Variants in BPI observed in about 807,000 individuals in gnomAD.
BPI encodes bactericidal permeability increasing protein.
In BPI, 48 loss-of-function variants were observed where a neutral mutation model predicts 57.6. The observed-to-expected ratio is 0.83, with a 90% CI of 0.66 to 1.06. The LOEUF is 1.06. Among genes scored for constraint, BPI ranks in the 50% least tolerant of loss-of-function variants. The pLI is 0.00. For synonymous variants in BPI, 237 were observed against 238.2 expected, an observed-to-expected ratio of 0.99 and a Z score of 0.05; for missense variants, 651 against 609.7, an observed-to-expected ratio of 1.07 and a Z score of -0.71.
intron 5 of BPI, among the ~76,000 whole-genome samples, chr20:38,314,632 TGG>T (rs2076642297): frequency 1.4e-5 from 2 of 142,834 alleles, no homozygotes; most frequent in African/African-American, 2.7e-5. Flanking sequence ...GGGATGATGA[TGG>T]TGGTGATGGT....
chr20:38,314,858 A>T lies in BPI; in HGVS notation c.600+2921A>T, dbSNP rs1447493640. Among the ~76,000 whole-genome samples, 4 of 150,112 alleles carry T rather than the reference A, an allele frequency of 2.7e-5. 1 individual carries two copies. Among genetic ancestry groups the T allele is most frequent in the African/African-American group, 4.9e-5 (2 of 40,608 alleles). On this transcript the variant is annotated intron_variant, in intron 5 of 14. Coordinates refer to ENST00000642449, the MANE Select transcript of BPI (RefSeq NM_001725.3). ...GGTGATGGTAATGGTGGAGATGATG[A>T]TGATGATGATGGTGATGGTGATGGT...
rs1198490806 is a variant in BPI at position 38,307,577 on chromosome 20, G to A, written c.141G>A (p.Gln47=). The change falls in exon 2 of 15, where the codon CAG becomes CAA. Residue 47 remains glutamine, a synonymous_variant. Coordinates refer to ENST00000642449, the MANE Select transcript of BPI (RefSeq NM_001725.3). ...GCCTTCTCCCTTCAGCCAGCCAGCA[G>A]GGGACGGCCGCTCTGCAGAAGGAGC... ...SQKGLDYASQ[Q]GTAALQKELK... 2 of 1,604,364 alleles carry A rather than the reference G, an allele frequency of 1.2e-6. No homozygotes were observed. The highest frequency in any genetic ancestry group is 1.7e-6 in the Non-Finnish European group (2 of 1,176,244).
intron 7 of BPI, among the ~76,000 whole-genome samples, chr20:38,322,081 T>C (rs1415119541): frequency 6.6e-6 from 1 of 152,250 alleles, no homozygotes; most frequent in Non-Finnish European, 1.5e-5. Context: ...TTGCCATCCA[T>C]GAAATGTCCT....
chr20:38,309,454 C>T (rs1417330633), intron 3 of BPI, among the ~76,000 whole-genome samples: 1 of 152,162 alleles, frequency 6.6e-6, no homozygotes, highest in Admixed American at 6.5e-5. Context: ...TTGGGCTTAG[C>T]AGAGGAGGCT....
intron 6 of BPI, among the ~76,000 whole-genome samples, chr20:38,318,742 T>C (rs2076666116): frequency 6.6e-6 from 1 of 152,182 alleles, no homozygotes; most frequent in Non-Finnish European, 1.5e-5. Context: ...CCCAGCTCTC[T>C]GAGGCCAGAG....
At chr20:38,322,132 G>A (rs1192693716) in intron 7 of BPI, among the ~76,000 whole-genome samples, 1 of 152,172 alleles carries the variant, frequency 6.6e-6, no homozygotes, top group African/African-American at 2.4e-5. Flanking sequence ...TCAGCGGACA[G>A]CTTGTGGTAA....
At chr20:38,316,789 C>T (rs1460668543) in intron 5 of BPI, among the ~76,000 whole-genome samples, 1 of 152,124 alleles carries the variant, frequency 6.6e-6, no homozygotes, top group Non-Finnish European at 1.5e-5. Context: ...TCTTAGGGTC[C>T]TAACTGCTTG....
intron 11 of BPI, among the ~76,000 whole-genome samples, chr20:38,329,490 A>G (rs747482807): frequency 3.0e-4 from 45 of 152,184 alleles, no homozygotes; most frequent in Non-Finnish European, 4.6e-4. Context: ...TTAAACACCC[A>G]TGGGCCTCTA....
chr20:38,317,830 G>A, intron 5 of BPI: 1 of 1,507,886 alleles, frequency 6.6e-7, no homozygotes, highest in Non-Finnish European at 8.9e-7. Context: ...TGTGGCCCAA[G>A]TCAGATTTTC....
chr20:38,324,455 T>G (rs766331528), intron 8 of BPI, among the ~76,000 whole-genome samples: 4 of 152,212 alleles, frequency 2.6e-5, no homozygotes, highest in African/African-American at 9.6e-5. Flanking sequence ...CCTAGCACCA[T>G]GCTAAGGCAG....
Position 38,326,365 on chromosome 20 carries a change from C to A in BPI, c.1094C>A (p.Ala365Asp). ...VQPTGLTFYP[A>D]VDVQAFAVLP... ...CCCACCGGCCTTACCTTCTACCCTG[C>A]CGTGGATGTCCAGGCCTTTGCCGTC... The change falls in exon 10 of 15, where the codon GCC (alanine) becomes GAC (aspartate). Residue 365 changes from alanine to aspartate, a missense_variant. Physicochemically the swap from Ala to Asp is moderately radical, Grantham distance 126 (BLOSUM62 -2). Transcript: ENST00000642449. The A allele has an allele frequency of 6.2e-7, 1 of 1,614,182 alleles. No individual in the cohort carries two copies. Among genetic ancestry groups the A allele is most frequent in the Non-Finnish European group, 8.5e-7 (1 of 1,180,022 alleles).
intron 6 of BPI, 106 bp downstream of exon 6, chr20:38,318,582 G>T (rs2076665096): frequency 8.0e-7 from 1 of 1,254,312 alleles, no homozygotes; most frequent in Non-Finnish European, 1.2e-6. Context: ...ACAGCCCTGG[G>T]CCTGGGTGGG....
At chr20:38,316,669 G>A (rs927598614) in intron 5 of BPI, among the ~76,000 whole-genome samples, 2 of 152,214 alleles carry the variant, frequency 1.3e-5, no homozygotes, top group Non-Finnish European at 2.9e-5. Context: ...CAGTCCTGCT[G>A]GCAATTCTCA....
At chr20:38,322,235 C>A (rs190644127) in intron 7 of BPI, among the ~76,000 whole-genome samples, 1 of 152,040 alleles carries the variant, frequency 6.6e-6, no homozygotes, top group Non-Finnish European at 1.5e-5. Flanking sequence ...TCCTTGCAAT[C>A]GTGTCTCTGT....
chr20:38,305,028 C>T (rs1600695907), intron 1 of BPI, among the ~76,000 whole-genome samples: 1 of 152,228 alleles, frequency 6.6e-6, no homozygotes, highest in Non-Finnish European at 1.5e-5. Context: ...TTGCCTGATG[C>T]CCCAGCACGG....
chr20:38,308,957 C>T lies in BPI; in HGVS notation c.273C>T (p.Pro91=). 2.5e-6 allele frequency: 4 copies of T among 1,614,200 alleles called. No individual in the cohort carries two copies. The highest frequency in any genetic ancestry group is 3.4e-6 in the Non-Finnish European group (4 of 1,180,030). Residue 91 remains proline (P), a synonymous_variant, in exon 3 of 15, where the codon CCC becomes CCT. Transcript: ENST00000642449. ...TGGACATCCGTGAATTCCAGCTTCCCAGTTCCCAGATAAGCATGGTGCCCA... is the reference window on the plus strand; with the variant it reads ...TGGACATCCGTGAATTCCAGCTTCCTAGTTCCCAGATAAGCATGGTGCCCA... ...YSMDIREFQL[P]SSQISMVPNV...
chr20:38,317,960 C>T (rs2076660332), intron 5 of BPI: 1 of 985,224 alleles, frequency 1.0e-6, no homozygotes, highest in Non-Finnish European at 1.2e-6. Context: ...TGAGGGTGCC[C>T]ACCTAGACTT....
chr20:38,326,650 T>G (rs2076715013), intron 10 of BPI: 2 of 491,534 alleles, frequency 4.1e-6, no homozygotes, highest in Non-Finnish European at 6.9e-6. Flanking sequence ...ATTCATTCAA[T>G]TATTCATTCA....
chr20:38,315,097 A>G (rs924573340), intron 5 of BPI, among the ~76,000 whole-genome samples: 1 of 152,118 alleles, frequency 6.6e-6, no homozygotes, highest in Admixed American at 6.6e-5. Context: ...AACTTTTTCC[A>G]TGGATTCCAG....
Sources: gnomAD v4.1 joint callset for allele counts (sites outside exome capture counted in the v4.1 genomes callset) on GRCh38, gnomAD v4.1.1 for gene constraint, MANE v1.5 for transcripts, NCBI Gene and HGNC (gene_info 2026-07-23, HGNC 2026-07-21) for gene names.